TMCC1: variants seen among roughly 807,000 people sequenced by gnomAD.
TMCC1 encodes the protein transmembrane and coiled-coil domains protein 1.
A neutral mutation model predicts 52.4 loss-of-function variants in TMCC1; 15 were observed. That is an observed-to-expected ratio of 0.29 (90% CI 0.19 to 0.44). TMCC1 has a LOEUF of 0.44. Among genes scored for constraint, TMCC1 ranks in the 20% least tolerant of loss-of-function variants. The probability of loss-of-function intolerance (pLI) is 1.00; values close to 1 mark genes in which losing one functional copy is unlikely to be tolerated. For synonymous variants in TMCC1, 279 were observed against 301.9 expected, an observed-to-expected ratio of 0.92 and a Z score of 0.79; for missense variants, 503 against 806.0, an observed-to-expected ratio of 0.62 and a Z score of 4.55.
chr3:129,791,567 A>C (rs2056465062), intron 4 of TMCC1, among the ~76,000 whole-genome samples: 1 of 152,218 alleles, frequency 6.6e-6, no homozygotes. Context: ...TCAAGAATTA[A>C]ATGAAATATC....
intron 2 of TMCC1, among the ~76,000 whole-genome samples, chr3:129,835,084 A>G (rs545418307): frequency 6.6e-6 from 1 of 152,298 alleles, no homozygotes; most frequent in South Asian, 2.1e-4. Flanking sequence ...TGTTACAACT[A>G]TGAAATTTCA....
chr3:129,873,010 C>G (rs982843820), intron 2 of TMCC1, among the ~76,000 whole-genome samples: 3 of 151,704 alleles, frequency 2.0e-5, no homozygotes, highest in Admixed American at 2.0e-4. Context: ...CTCCACTTCC[C>G]GGGTTCAAGC....
At chr3:129,660,207 G>T (rs1387890694) in intron 5 of TMCC1, among the ~76,000 whole-genome samples, 1 of 152,128 alleles carries the variant, frequency 6.6e-6, no homozygotes, top group African/African-American at 2.4e-5. Context: ...GAGTGCAGTG[G>T]CGTGATCGTG....
chr3:129,878,743 C>A (rs2061336204), intron 2 of TMCC1, among the ~76,000 whole-genome samples: 1 of 152,226 alleles, frequency 6.6e-6, no homozygotes, highest in Admixed American at 6.5e-5. Context: ...CCAGCAGCAG[C>A]AGCAGCACCT....
chr3:129,679,334 C>T (rs888112537), intron 4 of TMCC1, among the ~76,000 whole-genome samples: 3 of 152,122 alleles, frequency 2.0e-5, no homozygotes, highest in Admixed American at 6.6e-5. Context: ...TTGATGGAGT[C>T]GTGCTCTGTC....
At chr3:129,843,353 A>C (rs898428584) in intron 2 of TMCC1, among the ~76,000 whole-genome samples, 6 of 152,184 alleles carry the variant, frequency 3.9e-5, no homozygotes, top group African/African-American at 1.4e-4. Context: ...TCTCAAAAAA[A>C]AAAGAAGGAA....
chr3:129,754,934 C>T (rs1476260417), intron 4 of TMCC1, among the ~76,000 whole-genome samples: 1 of 151,914 alleles, frequency 6.6e-6, no homozygotes, highest in African/African-American at 2.4e-5. Flanking sequence ...CAAAATTAGC[C>T]AGGTGTGGTG....
At chr3:129,779,073 T>C (rs2055298959) in intron 4 of TMCC1, among the ~76,000 whole-genome samples, 1 of 152,066 alleles carries the variant, frequency 6.6e-6, no homozygotes, top group South Asian at 2.1e-4. Flanking sequence ...TCATTCAGAA[T>C]TCCATGAATT....
At chr3:129,677,365 G>A (rs996860451) in intron 4 of TMCC1, among the ~76,000 whole-genome samples, 1 of 152,180 alleles carries the variant, frequency 6.6e-6, no homozygotes, top group Non-Finnish European at 1.5e-5. Flanking sequence ...GTGGGAAAAT[G>A]TTAAAAATTT....
At chr3:129,847,312 C>T (rs1203287939) in intron 2 of TMCC1, 1 of 152,158 alleles carries the variant, frequency 6.6e-6, no homozygotes, top group Non-Finnish European at 1.5e-5. Flanking sequence ...AGATTTGTTT[C>T]ACAGATTGTA....
intron 4 of TMCC1, among the ~76,000 whole-genome samples, chr3:129,754,336 T>C (rs766295325): frequency 2.0e-5 from 3 of 152,162 alleles, no homozygotes; most frequent in Non-Finnish European, 4.4e-5. Context: ...CCAATCAAAA[T>C]GCTAGCCAGG....
At chr3:129,839,033 T>C (rs1249694712) in intron 2 of TMCC1, among the ~76,000 whole-genome samples, 1 of 151,868 alleles carries the variant, frequency 6.6e-6, no homozygotes, top group East Asian at 1.9e-4. Context: ...CAAGCAAAAA[T>C]AGAGAATTCA....
At chr3:129,833,786 T>C (rs1044134669) in intron 2 of TMCC1, among the ~76,000 whole-genome samples, 2 of 152,162 alleles carry the variant, frequency 1.3e-5, no homozygotes, top group African/African-American at 4.8e-5. Flanking sequence ...ATCTTCAGTA[T>C]TCATTAAATT....
chr3:129,803,860 A>C (rs982078894), intron 4 of TMCC1, among the ~76,000 whole-genome samples: 2 of 152,182 alleles, frequency 1.3e-5, no homozygotes, highest in Non-Finnish European at 2.9e-5. Flanking sequence ...TCAATTTCTT[A>C]GTCCTCGTCT....
chr3:129,760,220 C>CT (rs2053416844), intron 4 of TMCC1, among the ~76,000 whole-genome samples: 1 of 151,516 alleles, frequency 6.6e-6, no homozygotes, highest in South Asian at 2.1e-4. Context: ...TTTGTTTTTT[C>CT]TTTTTTTGAG....
intron 4 of TMCC1, among the ~76,000 whole-genome samples, chr3:129,739,925 C>T (rs2051312850): frequency 6.6e-6 from 1 of 152,220 alleles, no homozygotes; most frequent in Non-Finnish European, 1.5e-5. Flanking sequence ...AAGATTCTTA[C>T]TTTTGGTTCC....
chr3:129,854,510 A>G (rs1702643466), intron 2 of TMCC1, among the ~76,000 whole-genome samples: 1 of 152,136 alleles, frequency 6.6e-6, no homozygotes, highest in South Asian at 2.1e-4. Flanking sequence ...AACATGACCT[A>G]TAAAAACCTA....
intron 4 of TMCC1, among the ~76,000 whole-genome samples, chr3:129,715,248 T>C (rs2048986791): frequency 6.6e-6 from 1 of 152,136 alleles, no homozygotes; most frequent in African/African-American, 2.4e-5. Context: ...TCCAACCCTG[T>C]CCCCATCCTA....
intron 4 of TMCC1, among the ~76,000 whole-genome samples, chr3:129,742,609 T>C (rs76703500): frequency 0.024 from 3,636 of 152,218 alleles, 129 homozygotes; most frequent in African/African-American, 0.082. Flanking sequence ...TTGCTAGTGG[T>C]AAAAGGTATG....
Sources: allele counts gnomAD v4.1 joint callset (sites outside exome capture counted in the v4.1 genomes callset), GRCh38; gene constraint gnomAD v4.1.1; transcripts MANE v1.5; gene names NCBI Gene and HGNC (gene_info 2026-07-23, HGNC 2026-07-21).